Variants in PUM1 observed in about 807,000 individuals in gnomAD.
The protein encoded by PUM1 is pumilio RNA binding family member 1.
In PUM1, 13 loss-of-function variants were observed where a neutral mutation model predicts 131.8. The ratio of observed to expected loss-of-function variants is 0.10; its 90% CI spans 0.06 to 0.16. The LOEUF is 0.16. PUM1 is among the 10% of genes least tolerant of loss of function. The pLI is 1.00. For synonymous variants in PUM1, 509 were observed against 556.5 expected, an observed-to-expected ratio of 0.91 and a Z score of 1.20; for missense variants, 961 against 1,512.4, an observed-to-expected ratio of 0.64 and a Z score of 6.05.
intron 10 of PUM1, among the ~76,000 whole-genome samples, chr1:30,968,903 C>T (rs1043822538): frequency 3.3e-5 from 5 of 152,076 alleles, no homozygotes; most frequent in Admixed American, 6.5e-5. Flanking sequence ...TGAACAAGAC[C>T]GACAAAGCCC....
At chr1:31,026,771 T>A (rs1643236948) in intron 3 of PUM1, among the ~76,000 whole-genome samples, 1 of 152,190 alleles carries the variant, frequency 6.6e-6, no homozygotes, top group South Asian at 2.1e-4. Flanking sequence ...ATTAATCAGA[T>A]AATGCATAAA....
intron 20 of PUM1, among the ~76,000 whole-genome samples, chr1:30,938,733 C>T (rs1460957936): frequency 5.3e-5 from 8 of 152,176 alleles, no homozygotes; most frequent in South Asian, 4.1e-4. Flanking sequence ...GGAGTGGTGG[C>T]GGACACCTGT....
intron 17 of PUM1, among the ~76,000 whole-genome samples, chr1:30,948,479 G>C (rs1639775529): frequency 6.6e-6 from 1 of 152,066 alleles, no homozygotes; most frequent in Non-Finnish European, 1.5e-5. Flanking sequence ...AACAACGACA[G>C]CTGGGTATGG....
chr1:31,041,796 CCT>C (rs981928312), intron 2 of PUM1, among the ~76,000 whole-genome samples: 1 of 152,028 alleles, frequency 6.6e-6, no homozygotes, highest in African/African-American at 2.4e-5. Context: ...GACAAATAAA[CCT>C]CTTTTTGTTA....
chr1:31,012,590 T>C (rs949100300), intron 3 of PUM1, among the ~76,000 whole-genome samples: 1 of 147,922 alleles, frequency 6.8e-6, no homozygotes, highest in Non-Finnish European at 1.5e-5. Context: ...TAAGCTTATC[T>C]ATGAGGCTTC....
chr1:31,049,031 C>G lies in PUM1; in HGVS notation c.363+10173G>C, dbSNP rs192548024. 5.2e-3 allele frequency among the ~76,000 whole-genome samples: 788 copies of G among 151,614 alleles called. 6 individuals carry two copies. The highest frequency in any genetic ancestry group is 0.018 in the African/African-American group (729 of 41,332). ...GACCAGCCTGGCCAATATGGCAAAA[C>G]CCCGTCTCTACTAAAAATACAAAAA... is the stretch of plus-strand genomic sequence containing the variant. On this transcript the variant is annotated intron_variant, in intron 2 of 21. Coordinates refer to ENST00000426105, the MANE Select transcript of PUM1 (RefSeq NM_001020658.2).
Position 31,038,984 on chromosome 1 carries a change from A to ATATATATATATATATT in PUM1, c.364-10121_364-10120insAATATATATATATATA. ...TATATATATATATATATATATATAT[A>ATATATATATATATATT]TTTTTTTTTTTTTTTTCCTTTTCTC... On this transcript the variant is annotated intron_variant, in intron 2 of 21. Coordinates refer to ENST00000426105, the MANE Select transcript of PUM1 (RefSeq NM_001020658.2). Among the ~76,000 whole-genome samples, 140 of 49,374 alleles carry ATATATATATATATATT rather than the reference A, an allele frequency of 2.8e-3. 2 individuals carry two copies. Among genetic ancestry groups the ATATATATATATATATT allele is most frequent in the Non-Finnish European group, 3.8e-3 (124 of 32,708 alleles). 32.4% of individuals were successfully genotyped at this position (49,374 alleles called of 152,430 possible). A position where few individuals can be genotyped will look rare whatever the true frequency, so the allele number is the denominator to read the frequency against.
At chr1:31,032,831 C>T (rs554423252) in intron 2 of PUM1, among the ~76,000 whole-genome samples, 12 of 152,156 alleles carry the variant, frequency 7.9e-5, no homozygotes, top group African/African-American at 1.2e-4. Context: ...GTGGGCCAGG[C>T]GTGGTGACTC....
chr1:30,972,254 GAAAGA>G (rs199617612), intron 10 of PUM1, among the ~76,000 whole-genome samples: 76 of 46,014 alleles, frequency 1.7e-3, no homozygotes, highest in East Asian at 0.01. Flanking sequence ...GATTATGTCA[GAAAGA>G]AAAGAAAAGA....
intron 3 of PUM1, among the ~76,000 whole-genome samples, chr1:31,016,578 T>C (rs1642826286): frequency 6.6e-6 from 1 of 152,200 alleles, no homozygotes; most frequent in African/African-American, 2.4e-5. Context: ...GTAAAGATGT[T>C]AAATGTTAAA....
intron 3 of PUM1, among the ~76,000 whole-genome samples, chr1:31,024,564 A>G (rs1257750152): frequency 6.6e-6 from 1 of 152,192 alleles, no homozygotes; most frequent in Non-Finnish European, 1.5e-5. Context: ...ATATCTAAAT[A>G]CAATCCATTT....
intron 1 of PUM1, among the ~76,000 whole-genome samples, chr1:31,061,433 T>C (rs1465723945): frequency 6.6e-6 from 1 of 151,530 alleles, no homozygotes; most frequent in African/African-American, 2.4e-5. Context: ...CTGGCTAACA[T>C]GGTGAAACCC....
chr1:31,025,486 TAA>T (rs944419930), intron 3 of PUM1, among the ~76,000 whole-genome samples: 12 of 151,820 alleles, frequency 7.9e-5, no homozygotes, highest in African/African-American at 2.9e-4. Flanking sequence ...GTGCCTAGCT[TAA>T]AAGTCATGCA....
intron 2 of PUM1, among the ~76,000 whole-genome samples, chr1:31,039,776 G>A (rs1287504858): frequency 6.6e-6 from 1 of 152,076 alleles, no homozygotes; most frequent in Non-Finnish European, 1.5e-5. Flanking sequence ...TGGCGCACTT[G>A]TAATCCCAGC....
chr1:31,041,017 C>A (rs1265205812), intron 2 of PUM1, among the ~76,000 whole-genome samples: 3 of 152,098 alleles, frequency 2.0e-5, no homozygotes, highest in Admixed American at 2.0e-4. Flanking sequence ...CATCTCCAGG[C>A]AAGAAACATG....
chr1:30,986,730 TAAC>T (rs1340754845), intron 7 of PUM1, among the ~76,000 whole-genome samples: 1 of 152,206 alleles, frequency 6.6e-6, no homozygotes, highest in Non-Finnish European at 1.5e-5. Flanking sequence ...CGAAGTCAAA[TAAC>T]AATAGAAGTT....
At chr1:31,004,961 GAAAT>G (rs1642346552) in intron 5 of PUM1, among the ~76,000 whole-genome samples, 1 of 152,170 alleles carries the variant, frequency 6.6e-6, no homozygotes, top group Non-Finnish European at 1.5e-5. Context: ...ACTGCAGGGA[GAAAT>G]GTCTTTGAAA....
At chr1:30,997,658 C>A (rs548816656) in intron 5 of PUM1, among the ~76,000 whole-genome samples, 41 of 152,258 alleles carry the variant, frequency 2.7e-4, no homozygotes, top group African/African-American at 9.4e-4. Flanking sequence ...TTACTGAGAA[C>A]CTGCTCAGCT....
chr1:30,967,343 T>C, intron 11 of PUM1, 33 bp from the exon 12 acceptor site: 1 of 1,592,470 alleles, frequency 6.3e-7, no homozygotes. Context: ...GAAATGTATA[T>C]GTTAAACAAA....
Sources: allele counts gnomAD v4.1 joint callset (sites outside exome capture counted in the v4.1 genomes callset), GRCh38; gene constraint gnomAD v4.1.1; transcripts MANE v1.5; gene names NCBI Gene and HGNC (gene_info 2026-07-23, HGNC 2026-07-21).